The following FMN1 variants were observed in gnomAD, a reference collection of about 807,000 sequenced individuals.
FMN1 encodes formin-1.
In FMN1, 110 loss-of-function variants were observed where a neutral mutation model predicts 132.4. The observed-to-expected ratio is 0.83, with a 90% CI of 0.71 to 0.97. The LOEUF is 0.97. FMN1 is among the 50% of genes least tolerant of loss of function. The pLI is 0.00. For missense variants in FMN1, 1,792 were observed against 1,705.3 expected (o/e 1.05, Z -0.90); for synonymous variants, 722 against 651.7 (o/e 1.11, Z -1.64).
chr15:32,826,323 C>T lies in FMN1; in HGVS notation c.3929-21991G>A, dbSNP rs536643594. ...GAAGACTCTCCAGGGCCCTGCTTAG[C>T]GCAGCCTGAGAGGCTACAGGCCAAC... On this transcript the variant is annotated intron_variant, in intron 17 of 20. Transcript: ENST00000616417. 1.1e-4 allele frequency among the ~76,000 whole-genome samples: 16 copies of T among 152,324 alleles called. No homozygotes were observed. The South Asian group carries it at 2.1e-3, about 20-fold the overall frequency.
intron 7 of FMN1, among the ~76,000 whole-genome samples, chr15:32,985,019 C>CT (rs369474644): frequency 7.0e-4 from 100 of 143,590 alleles, no homozygotes; most frequent in African/African-American, 2.6e-3. Flanking sequence ...AAACATTTGC[C>CT]TTAACTCTAT....
At chr15:33,123,388 T>G (rs1595523916) in intron 4 of FMN1, among the ~76,000 whole-genome samples, 1 of 152,156 alleles carries the variant, frequency 6.6e-6, no homozygotes, top group East Asian at 1.9e-4. Context: ...CTGCACTATA[T>G]AGTATACAGA....
intron 7 of FMN1, among the ~76,000 whole-genome samples, chr15:32,988,049 G>GTTTTTTTTTTT (rs10573409): frequency 2.5e-5 from 3 of 118,164 alleles, no homozygotes; most frequent in Admixed American, 9.5e-5. Context: ...TGTCTCTCCA[G>GTTTTTTTTTTT]TTTTTTTTTT....
intron 9 of FMN1, among the ~76,000 whole-genome samples, chr15:32,940,823 T>C (rs1489112323): frequency 6.6e-6 from 1 of 152,178 alleles, no homozygotes; most frequent in Non-Finnish European, 1.5e-5. Context: ...CCATTCTTCA[T>C]GGCCACTAGG....
chr15:32,943,219 C>A (rs2061435633), intron 9 of FMN1, among the ~76,000 whole-genome samples: 1 of 152,112 alleles, frequency 6.6e-6, no homozygotes, highest in South Asian at 2.1e-4. Flanking sequence ...GGTACACGGT[C>A]AGCTATATAG....
At chr15:33,120,763 C>T (rs1034730332) in intron 4 of FMN1, among the ~76,000 whole-genome samples, 2 of 152,178 alleles carry the variant, frequency 1.3e-5, no homozygotes, top group Non-Finnish European at 1.5e-5. Flanking sequence ...TACCTATTAC[C>T]CTTTTACTGC....
At chr15:33,103,053 T>A (rs1257389091) in intron 4 of FMN1, among the ~76,000 whole-genome samples, 1 of 152,124 alleles carries the variant, frequency 6.6e-6, no homozygotes, top group Non-Finnish European at 1.5e-5. Flanking sequence ...TACCAGGCAC[T>A]CCAGCATCTG....
intron 10 of FMN1, among the ~76,000 whole-genome samples, chr15:32,912,492 T>C (rs1470211290): frequency 6.6e-6 from 1 of 152,240 alleles, no homozygotes; most frequent in Non-Finnish European, 1.5e-5. Context: ...ATGAAATTTA[T>C]ATCCCAGTCT....
chr15:32,831,605 T>A (rs896011544), intron 17 of FMN1, among the ~76,000 whole-genome samples: 1 of 152,006 alleles, frequency 6.6e-6, no homozygotes, highest in Non-Finnish European at 1.5e-5. Flanking sequence ...AGGGAGGCAA[T>A]CATGAGACTC....
chr15:33,155,059 A>C lies in FMN1; in HGVS notation c.-131-14T>G. ...CAATGAGACTGCCTGTTAGAGGAAC[A>C]GGGGAAGAAAGCAGCTTGTCTAACA... On this transcript the variant is annotated splice_polypyrimidine_tract_variant and intron_variant, in intron 3 of 20. Coordinates refer to ENST00000616417, the MANE Select transcript of FMN1 (RefSeq NM_001277313.2). The C allele has an allele frequency of 3.2e-6, 2 of 630,996 alleles. No individual in the cohort carries two copies. 39.1% of individuals were successfully genotyped at this position (630,996 alleles called of 1,614,324 possible). A position where few individuals can be genotyped will look rare whatever the true frequency, so the allele number is the denominator to read the frequency against.
intron 4 of FMN1, among the ~76,000 whole-genome samples, chr15:33,138,832 C>T (rs1296322878): frequency 6.6e-6 from 1 of 152,164 alleles, no homozygotes; most frequent in Non-Finnish European, 1.5e-5. Flanking sequence ...AGGCTAGGAG[C>T]AGCATCCTTC....
chr15:32,887,043 T>A (rs909829228), intron 16 of FMN1, among the ~76,000 whole-genome samples: 1 of 152,064 alleles, frequency 6.6e-6, no homozygotes, highest in African/African-American at 2.4e-5. Flanking sequence ...AAGATAAAAA[T>A]ATTCACCTGT....
At chr15:32,886,195 T>C (rs1468582141) in intron 16 of FMN1, among the ~76,000 whole-genome samples, 1 of 152,214 alleles carries the variant, frequency 6.6e-6, no homozygotes, top group Non-Finnish European at 1.5e-5. Context: ...TTTCATGTGT[T>C]GAAAACACTG....
intron 5 of FMN1, 125 bp from the exon 6 acceptor site, chr15:33,065,199 C>T: frequency 1.7e-6 from 1 of 583,178 alleles, no homozygotes; most frequent in South Asian, 2.6e-5. Context: ...CTCTCATTCA[C>T]TATAATTCAG....
At chr15:33,042,977 G>C (rs758849314) in intron 6 of FMN1, among the ~76,000 whole-genome samples, 6 of 151,996 alleles carry the variant, frequency 3.9e-5, no homozygotes, top group Non-Finnish European at 8.8e-5. Context: ...TAATGGAAGC[G>C]AAATCTAAAC....
chr15:32,936,662 G>A (rs1222763624), intron 9 of FMN1, among the ~76,000 whole-genome samples: 1 of 151,824 alleles, frequency 6.6e-6, no homozygotes, highest in Non-Finnish European at 1.5e-5. Context: ...GTGGGAGGAA[G>A]AGGAGAAGGA....
rs575684399 is a variant in FMN1 at position 33,101,729 on chromosome 15, T to C, written c.1868-12755A>G. On this transcript the variant is annotated intron_variant, in intron 4 of 20. Coordinates refer to ENST00000616417, the MANE Select transcript of FMN1 (RefSeq NM_001277313.2). Reference sequence around the variant, plus strand: ...ATTGTTTTAAATCCTATCCCATCGGTCCTATGATTATGACATTTCCCTTCT... The same window carrying C: ...ATTGTTTTAAATCCTATCCCATCGGCCCTATGATTATGACATTTCCCTTCT... 1.4e-4 allele frequency among the ~76,000 whole-genome samples: 22 copies of C among 152,260 alleles called. 1 individual carries two copies. In the South Asian group the frequency reaches 4.6e-3, roughly 32 times the overall value.
At chr15:33,059,691 TGTGTATCTTTCA>T (rs1595375730) in intron 6 of FMN1, among the ~76,000 whole-genome samples, 1 of 152,348 alleles carries the variant, frequency 6.6e-6, no homozygotes, top group East Asian at 1.9e-4. Flanking sequence ...TAATAAGTTA[TGTGTATCTTTCA>T]GCAATTCATA....
intron 6 of FMN1, among the ~76,000 whole-genome samples, chr15:33,014,586 A>G (rs2034929603): frequency 6.6e-6 from 1 of 152,230 alleles, no homozygotes; most frequent in Non-Finnish European, 1.5e-5. Flanking sequence ...AATGTAGTCC[A>G]TGAAAGACAG....
Sources: gnomAD v4.1 joint callset for allele counts (sites outside exome capture counted in the v4.1 genomes callset) on GRCh38, gnomAD v4.1.1 for gene constraint, MANE v1.5 for transcripts, NCBI Gene and HGNC (gene_info 2026-07-23, HGNC 2026-07-21) for gene names.